The following P2RY13 variants were observed in gnomAD, a reference collection of about 807,000 sequenced individuals.
P2RY13 encodes purinergic receptor P2Y13, also known as P2Y purinoceptor 13.
For missense variants in P2RY13, 412 were observed against 418.4 expected (o/e 0.98, Z 0.13); for synonymous variants, 150 against 155.1 (o/e 0.97, Z 0.24).
chr3:151,328,287 C>A lies in P2RY13; in HGVS notation c.769G>T (p.Val257Leu). ...RKNNKKLEGK[V>L]FVVVAVFFVC... ...AAGAAGACAGCCACGACAACAAATA[C>A]TTTGCCTTCCAGCTTTTTGTTGTTT... The change falls in exon 2 of 2, where the codon GTA (valine) becomes TTA (leucine). Residue 257 changes from valine to leucine, a missense_variant. Coordinates refer to ENST00000325602, the MANE Select transcript of P2RY13 (RefSeq NM_176894.3). The A allele has an allele frequency of 6.2e-7, 1 of 1,613,930 alleles. No individual in the cohort carries two copies. Among genetic ancestry groups the A allele is most frequent in the Non-Finnish European group, 8.5e-7 (1 of 1,179,928 alleles).
In P2RY13 at chr3:151,328,632, A is replaced by C. The variant is rs974375450; in HGVS notation, c.424T>G (p.Phe142Val). The change falls in exon 2 of 2, where the codon TTC (phenylalanine) becomes GTC (valine). Residue 142 changes from phenylalanine (F) to valine (V), a missense_variant. Transcript: ENST00000325602. ...CTCAAAGGTCTGATGATCTTGAGGA[A>C]TCTGTCAAAGGCTATGAGCCCTAAC... is the stretch of plus-strand genomic sequence containing the variant. ...VLLGLIAFDRFLKIIRPLRNI... is the reference protein window; with the variant it reads ...VLLGLIAFDRVLKIIRPLRNI... 2 of 1,613,730 alleles carry C rather than the reference A, an allele frequency of 1.2e-6. No individual in the cohort carries two copies. Among genetic ancestry groups the C allele is most frequent in the African/African-American group, 1.3e-5 (1 of 74,844 alleles).
Position 151,327,734 on chromosome 3 carries a change from TAAAAAAAA to T in P2RY13, c.*249_*256del. 2 of 252,030 alleles carry T rather than the reference TAAAAAAAA, an allele frequency of 7.9e-6. No individual in the cohort carries two copies. The highest frequency in any genetic ancestry group is 1.4e-5 in the Non-Finnish European group (2 of 138,496). The allele number at this position is 252,030 out of a possible 1,614,324, so 15.6% of individuals were successfully genotyped here. On this transcript the variant is annotated 3_prime_UTR_variant, in exon 2 of 2. Transcript: ENST00000325602. ...TGTTAAAGTGAAATGCTCTTGAAATTAAAAAAAAAAAAAAAGAAAGAAAGAAATAATGA... is the reference window on the plus strand; with the variant it reads ...TGTTAAAGTGAAATGCTCTTGAAATTAAAAAAAGAAAGAAAGAAATAATGA...
At position 151,327,946 on chromosome 3, in the gene P2RY13, A is replaced by G. The variant is rs1749847733; in HGVS notation, c.*45T>C. 2 of 1,332,064 alleles carry G rather than the reference A, an allele frequency of 1.5e-6. No homozygotes were observed. Among genetic ancestry groups the G allele is most frequent in the Non-Finnish European group, 2.0e-6 (2 of 981,200 alleles). 82.5% of individuals were successfully genotyped at this position (1,332,064 alleles called of 1,614,324 possible). ...GTTAAATTTGATTTCCACATTATCTACGGAAGTCTCATCAATAAATAGAAG... is the reference window on the plus strand; with the variant it reads ...GTTAAATTTGATTTCCACATTATCTGCGGAAGTCTCATCAATAAATAGAAG... On this transcript the variant is annotated 3_prime_UTR_variant, in exon 2 of 2. Coordinates refer to ENST00000325602, the MANE Select transcript of P2RY13 (RefSeq NM_176894.3).
chr3:151,327,920 G>C lies in P2RY13; in HGVS notation c.*71C>G, dbSNP rs1437790765. The C allele has an allele frequency of 1.8e-6, 2 of 1,088,034 alleles. No individual in the cohort carries two copies. Among genetic ancestry groups the C allele is most frequent in the African/African-American group, 1.6e-5 (1 of 63,110 alleles). 67.4% of individuals were successfully genotyped at this position (1,088,034 alleles called of 1,614,324 possible). A position where few individuals can be genotyped will look rare whatever the true frequency, so the allele number is the denominator to read the frequency against. On this transcript the variant is annotated 3_prime_UTR_variant, in exon 2 of 2. Coordinates refer to ENST00000325602, the MANE Select transcript of P2RY13 (RefSeq NM_176894.3). ...GCATTTGTTCCAATCTTTTTTTCTT[G>C]GTTAAATTTGATTTCCACATTATCT...
rs1749995043 is a variant in P2RY13 at position 151,328,748 on chromosome 3, T to C, written c.308A>G (p.Asp103Gly). The C allele has an allele frequency of 1.9e-6, 3 of 1,613,646 alleles. No homozygotes were observed. Among genetic ancestry groups the C allele is most frequent in the East Asian group, 4.5e-5 (2 of 44,862 alleles). ...GAGCTGCCAGGGTGCCAGGTGTGAG[T>C]CAGAGAGGATTTTGAAAGGAAGCAT... ...TLMLPFKILS[D>G]SHLAPWQLRA... The change falls in exon 2 of 2, where the codon GAC (aspartate) becomes GGC (glycine). Residue 103 changes from aspartate (D) to glycine (G), a missense_variant. Asp to Gly is a moderately conservative substitution (Grantham distance 94). Coordinates refer to ENST00000325602, the MANE Select transcript of P2RY13 (RefSeq NM_176894.3).
rs553748721 is a variant in P2RY13, at chr3:151,327,921, G to A, written c.*70C>T. 2.7e-5 allele frequency: 31 copies of A among 1,127,560 alleles called. No homozygotes were observed. The highest frequency in any genetic ancestry group is 1.8e-4 in the South Asian group (10 of 56,700). 69.8% of individuals were successfully genotyped at this position (1,127,560 alleles called of 1,614,324 possible). A position where few individuals can be genotyped will look rare whatever the true frequency, so the allele number is the denominator to read the frequency against. On this transcript the variant is annotated 3_prime_UTR_variant, in exon 2 of 2. Transcript: ENST00000325602. ...CATTTGTTCCAATCTTTTTTTCTTG[G>A]TTAAATTTGATTTCCACATTATCTA...
chr3:151,328,008 T>C lies in P2RY13; in HGVS notation c.1048A>G (p.Asn350Asp). Residue 350 changes from asparagine to aspartate, a missense_variant, in exon 2 of 2, where the codon AAC becomes GAC. Physicochemically the swap from Asn to Asp is conservative, Grantham distance 23 (BLOSUM62 1). Coordinates refer to ENST00000325602, the MANE Select transcript of P2RY13 (RefSeq NM_176894.3). ...TACAGTTGTCAGCCTAAGGTTATGTTGTCTGTCTGACTGCTATGATTTTCT... is the reference window on the plus strand; with the variant it reads ...TACAGTTGTCAGCCTAAGGTTATGTCGTCTGTCTGACTGCTATGATTTTCT... Reference protein sequence around the residue: ...SQENHSSQTDNITLG With the variant: ...SQENHSSQTDDITLG The C allele has an allele frequency of 1.3e-6, 2 of 1,575,882 alleles. No individual in the cohort carries two copies. Among genetic ancestry groups the C allele is most frequent in the Non-Finnish European group, 1.7e-6 (2 of 1,165,172 alleles).
At chr3:151,329,437 T>C (rs1223489465) in intron 1 of P2RY13, 44 bp downstream of exon 1, 3 of 1,287,022 alleles carry the variant, frequency 2.3e-6, no homozygotes, top group Non-Finnish European at 3.3e-6. Flanking sequence ...GCATATTCTT[T>C]TATATAAGCA....
At position 151,328,200 on chromosome 3, in the gene P2RY13, T is replaced by G; in HGVS notation, c.856A>C (p.Lys286Gln). The G allele has an allele frequency of 6.2e-7, 1 of 1,612,906 alleles. No homozygotes were observed. The highest frequency in any genetic ancestry group is 8.5e-7 in the Non-Finnish European group (1 of 1,179,480). Residue 286 changes from lysine (K) to glutamine (Q), a missense_variant, in exon 2 of 2, where the codon AAG becomes CAG. Transcript: ENST00000325602. Reference protein sequence around the residue: ...VPYTHSQTNNKTDCRLQNQLF... With the variant: ...VPYTHSQTNNQTDCRLQNQLF... ...TGATTTTGCAGTCTACAGTCAGTCT[T>G]ATTGTTGGTTTGACTGTGAGTATAT...
chr3:151,329,056 C>G, intron 1 of P2RY13, 49 bp from the exon 2 acceptor site: 1 of 1,363,132 alleles, frequency 7.3e-7, no homozygotes, highest in Non-Finnish European at 1.0e-6. Flanking sequence ...AAAAGCCCTT[C>G]ATGATTTTCA....
At chr3:151,329,086 A>G (rs1317679000) in intron 1 of P2RY13, 79 bp from the exon 2 acceptor site, 3 of 1,058,048 alleles carry the variant, frequency 2.8e-6, no homozygotes, top group Admixed American at 2.5e-5. Flanking sequence ...TTTTAAAAAC[A>G]GACTTTATGT....
chr3:151,329,085 C>A, intron 1 of P2RY13, 78 bp from the exon 2 acceptor site: 1 of 1,075,884 alleles, frequency 9.3e-7, no homozygotes, highest in Non-Finnish European at 1.3e-6. Flanking sequence ...TTTTTAAAAA[C>A]AGACTTTATG....
rs184696884 is a variant in P2RY13 at position 151,327,937 on chromosome 3, A to G, written c.*54T>C. 5.5e-5 allele frequency: 70 copies of G among 1,262,870 alleles called. No homozygotes were observed. In the Admixed American group the frequency reaches 1.1e-3, roughly 19 times the overall value. The allele number at this position is 1,262,870 out of a possible 1,614,324, so 78.2% of individuals were successfully genotyped here. ...TTTTTCTTGGTTAAATTTGATTTCC[A>G]CATTATCTACGGAAGTCTCATCAAT... On this transcript the variant is annotated 3_prime_UTR_variant, in exon 2 of 2. Coordinates refer to ENST00000325602, the MANE Select transcript of P2RY13 (RefSeq NM_176894.3).
At position 151,328,331 on chromosome 3, in the gene P2RY13, G is replaced by C. The variant is rs746195218; in HGVS notation, c.725C>G (p.Ser242Cys). ...AKKVYDSYRK[S>C]KSKDRKNNKK... ...GTTGTTTTTTCTGTCCTTACTTTTGGACTTTCTATAAGAATCATATACTTT... is the reference window on the plus strand; with the variant it reads ...GTTGTTTTTTCTGTCCTTACTTTTGCACTTTCTATAAGAATCATATACTTT... The change falls in exon 2 of 2, where the codon TCC (serine) becomes TGC (cysteine). Residue 242 changes from serine to cysteine, a missense_variant. Ser to Cys is a moderately radical substitution (Grantham distance 112). Transcript: ENST00000325602. 1.2e-6 allele frequency: 2 copies of C among 1,613,212 alleles called. No individual in the cohort carries two copies. The highest frequency in any genetic ancestry group is 1.7e-6 in the Non-Finnish European group (2 of 1,179,666).
chr3:151,328,721 C>G lies in P2RY13; in HGVS notation c.335G>C (p.Arg112Thr). 1 of 1,614,000 alleles carries G rather than the reference C, an allele frequency of 6.2e-7. No individual in the cohort carries two copies. Among genetic ancestry groups the G allele is most frequent in the Non-Finnish European group, 8.5e-7 (1 of 1,179,950 alleles). ...SDSHLAPWQL[R>T]AFVCRFSSVI... ...CGAAGAAAAACGACACACAAAAGCTCTGAGCTGCCAGGGTGCCAGGTGTGA... is the reference window on the plus strand; with the variant it reads ...CGAAGAAAAACGACACACAAAAGCTGTGAGCTGCCAGGGTGCCAGGTGTGA... The change falls in exon 2 of 2, where the codon AGA (arginine) becomes ACA (threonine). Residue 112 changes from arginine (R) to threonine (T), a missense_variant. By Grantham distance (71) the Arg-to-Thr change is moderately conservative. Transcript: ENST00000325602.
chr3:151,329,146 T>C (rs973183139), intron 1 of P2RY13, 139 bp from the exon 2 acceptor site: 28 of 659,302 alleles, frequency 4.2e-5, no homozygotes, highest in African/African-American at 1.3e-4. Flanking sequence ...AATAGATGTG[T>C]TGAAAAGGAA....
At position 151,327,934 on chromosome 3, in the gene P2RY13, T is replaced by C. The variant is rs2149861171; in HGVS notation, c.*57A>G. On this transcript the variant is annotated 3_prime_UTR_variant, in exon 2 of 2. Coordinates refer to ENST00000325602, the MANE Select transcript of P2RY13 (RefSeq NM_176894.3). ...CTTTTTTTCTTGGTTAAATTTGATT[T>C]CCACATTATCTACGGAAGTCTCATC... is the stretch of plus-strand genomic sequence containing the variant. 6 of 1,244,180 alleles carry C rather than the reference T, an allele frequency of 4.8e-6. No homozygotes were observed. The Admixed American group carries it at 1.6e-4, about 33-fold the overall frequency. 77.1% of individuals were successfully genotyped at this position (1,244,180 alleles called of 1,614,324 possible).
At position 151,327,921 on chromosome 3, in the gene P2RY13, G is replaced by T; in HGVS notation, c.*70C>A. 1.8e-6 allele frequency: 2 copies of T among 1,127,558 alleles called. No homozygotes were observed. Among genetic ancestry groups the T allele is most frequent in the East Asian group, 2.5e-5 (1 of 40,618 alleles). 69.8% of individuals were successfully genotyped at this position (1,127,558 alleles called of 1,614,324 possible). A position where few individuals can be genotyped will look rare whatever the true frequency, so the allele number is the denominator to read the frequency against. ...CATTTGTTCCAATCTTTTTTTCTTG[G>T]TTAAATTTGATTTCCACATTATCTA... is the stretch of plus-strand genomic sequence containing the variant. On this transcript the variant is annotated 3_prime_UTR_variant, in exon 2 of 2. Coordinates refer to ENST00000325602, the MANE Select transcript of P2RY13 (RefSeq NM_176894.3).
rs766749093 is a variant in P2RY13 at position 151,328,839 on chromosome 3, G to A, written c.217C>T (p.Pro73Ser). 1 of 1,613,964 alleles carries A rather than the reference G, an allele frequency of 6.2e-7. No individual in the cohort carries two copies. The highest frequency in any genetic ancestry group is 1.1e-5 in the South Asian group (1 of 91,080). Reference protein sequence around the residue: ...TLALWVFVHIPSSSTFIIYLK... With the variant: ...TLALWVFVHISSSSTFIIYLK... ...TAGATGATGAAGGTGGAGGAGCTGGGGATGTGAACAAACACCCACAGAGCC... is the reference window on the plus strand; with the variant it reads ...TAGATGATGAAGGTGGAGGAGCTGGAGATGTGAACAAACACCCACAGAGCC... The change falls in exon 2 of 2, where the codon CCC (proline) becomes TCC (serine). Residue 73 changes from proline to serine, a missense_variant. Coordinates refer to ENST00000325602, the MANE Select transcript of P2RY13 (RefSeq NM_176894.3).
Sources: allele counts gnomAD v4.1 joint callset, GRCh38; gene constraint gnomAD v4.1.1; transcripts MANE v1.5; gene names NCBI Gene and HGNC (gene_info 2026-07-23, HGNC 2026-07-21).